DCP1A: variants seen among roughly 807,000 people sequenced by gnomAD.
DCP1A encodes mRNA-decapping enzyme 1A.
Under a neutral mutation model 58.0 loss-of-function variants are expected in DCP1A, and 20 were observed. The ratio of observed to expected loss-of-function variants is 0.34; its 90% CI spans 0.24 to 0.50. DCP1A has a LOEUF of 0.50. Ranked by LOEUF, DCP1A falls within the 20% of genes least tolerant of loss-of-function variation. The pLI, the probability that DCP1A is intolerant of heterozygous loss-of-function variation, is 0.98. For missense variants in DCP1A, 613 were observed against 712.2 expected, an observed-to-expected ratio of 0.86 and a Z score of 1.59; for synonymous variants, 285 against 275.1, an observed-to-expected ratio of 1.04 and a Z score of -0.36.
chr3:53,323,608 C>T (rs1182258173), intron 3 of DCP1A, among the ~76,000 whole-genome samples: 1 of 152,090 alleles, frequency 6.6e-6, no homozygotes, highest in Non-Finnish European at 1.5e-5. Flanking sequence ...TGGCTCATGC[C>T]TGTAATCCCA....
At chr3:53,343,766 C>A (rs2089251811) in intron 2 of DCP1A, among the ~76,000 whole-genome samples, 1 of 152,162 alleles carries the variant, frequency 6.6e-6, no homozygotes, top group Non-Finnish European at 1.5e-5. Flanking sequence ...TGCCTGCCAC[C>A]ATGCCCAGCT....
intron 8 of DCP1A, among the ~76,000 whole-genome samples, chr3:53,288,675 A>G (rs530031334): frequency 2.7e-4 from 41 of 152,310 alleles, no homozygotes; most frequent in Admixed American, 6.5e-4. Context: ...CTGGAGTGAC[A>G]AAATGTTACA....
At chr3:53,324,975 T>A (rs1464102180) in intron 3 of DCP1A, among the ~76,000 whole-genome samples, 1 of 152,220 alleles carries the variant, frequency 6.6e-6, no homozygotes, top group Admixed American at 6.5e-5. Flanking sequence ...CATTAAATGT[T>A]TCCTTTGCTT....
Position 53,285,318 on chromosome 3 carries a change from C to T in DCP1A, c.*2262G>A, listed in dbSNP as rs1282388358. 1 of 152,200 alleles carries T rather than the reference C, an allele frequency of 6.6e-6. No homozygotes were observed. Among genetic ancestry groups the T allele is most frequent in the Non-Finnish European group, 1.5e-5 (1 of 68,032 alleles). The allele number at this position is 152,200 out of a possible 1,614,324, so 9.4% of individuals were successfully genotyped here. On this transcript the variant is annotated 3_prime_UTR_variant, in exon 10 of 10. Coordinates refer to ENST00000610213, the MANE Select transcript of DCP1A (RefSeq NM_018403.7). ...TAGTAAGCCTGAACTAGGAATAAGGCAACTGAACTGTGACTTTCGGGCCAG... is the reference window on the plus strand; with the variant it reads ...TAGTAAGCCTGAACTAGGAATAAGGTAACTGAACTGTGACTTTCGGGCCAG...
At chr3:53,343,519 A>G (rs1487459709) in intron 2 of DCP1A, among the ~76,000 whole-genome samples, 1 of 152,226 alleles carries the variant, frequency 6.6e-6, no homozygotes, top group Non-Finnish European at 1.5e-5. Flanking sequence ...ACCAAATATC[A>G]TAGAAACTAA....
chr3:53,333,903 G>C (rs782435683), intron 3 of DCP1A, among the ~76,000 whole-genome samples: 1 of 152,044 alleles, frequency 6.6e-6, no homozygotes, highest in Non-Finnish European at 1.5e-5. Context: ...ATAGCTGCCT[G>C]ATAAATCTCA....
At chr3:53,313,141 T>A (rs1707699505) in intron 4 of DCP1A, among the ~76,000 whole-genome samples, 1 of 151,924 alleles carries the variant, frequency 6.6e-6, no homozygotes, top group Non-Finnish European at 1.5e-5. Flanking sequence ...AAAATAGAGG[T>A]CTTGGTGAAT....
At chr3:53,329,372 A>G (rs1260780764) in intron 3 of DCP1A, 12 of 398,472 alleles carry the variant, frequency 3.0e-5, no homozygotes. Flanking sequence ...GTATCAAGAG[A>G]TCGATGCCCG....
At chr3:53,301,539 GTTTC>G (rs1424797165) in intron 6 of DCP1A, among the ~76,000 whole-genome samples, 1 of 152,096 alleles carries the variant, frequency 6.6e-6, no homozygotes, top group Non-Finnish European at 1.5e-5. Context: ...TCCCAAGGCA[GTTTC>G]TTATTAAACT....
At chr3:53,341,453 C>CA (rs1344389572) in intron 3 of DCP1A, among the ~76,000 whole-genome samples, 6 of 151,184 alleles carry the variant, frequency 4.0e-5, no homozygotes, top group East Asian at 1.9e-4. Context: ...GACTCCGTCT[C>CA]AAAAAAAAGA....
At chr3:53,305,706 T>C (rs1341794874) in intron 5 of DCP1A, among the ~76,000 whole-genome samples, 1 of 152,220 alleles carries the variant, frequency 6.6e-6, no homozygotes, top group Non-Finnish European at 1.5e-5. Context: ...GGTCATATGA[T>C]AAATACATTT....
intron 3 of DCP1A, among the ~76,000 whole-genome samples, chr3:53,320,049 GC>G (rs1480093558): frequency 6.6e-6 from 1 of 151,712 alleles, no homozygotes; most frequent in Non-Finnish European, 1.5e-5. Flanking sequence ...AATCGCTTGG[GC>G]CCGGGAGGCA....
At chr3:53,325,060 T>C (rs1708071791) in intron 3 of DCP1A, among the ~76,000 whole-genome samples, 1 of 152,156 alleles carries the variant, frequency 6.6e-6, no homozygotes, top group Admixed American at 6.5e-5. Flanking sequence ...ATTTGAACTA[T>C]TTTGTATTGA....
chr3:53,309,060 C>T (rs569519056), intron 5 of DCP1A, among the ~76,000 whole-genome samples: 4 of 152,272 alleles, frequency 2.6e-5, no homozygotes, highest in African/African-American at 9.6e-5. Flanking sequence ...TTTCAACTAT[C>T]TTTCTTTACA....
At chr3:53,302,212 A>G (rs1463935747) in intron 6 of DCP1A, among the ~76,000 whole-genome samples, 2 of 152,236 alleles carry the variant, frequency 1.3e-5, no homozygotes, top group Non-Finnish European at 2.9e-5. Context: ...AATGTTATCA[A>G]TGGGCAAATG....
In DCP1A at chr3:53,285,298, A is replaced by G. The variant is rs1489881302; in HGVS notation, c.*2282T>C. 1.3e-5 allele frequency: 2 copies of G among 152,176 alleles called. No individual in the cohort carries two copies. Among genetic ancestry groups the G allele is most frequent in the South Asian group, 4.1e-4 (2 of 4,822 alleles). 9.4% of individuals were successfully genotyped at this position (152,176 alleles called of 1,614,324 possible). ...AGCTAGCATGAGGTTCTAGATAGTA[A>G]GCCTGAACTAGGAATAAGGCAACTG... On this transcript the variant is annotated 3_prime_UTR_variant, in exon 10 of 10. Transcript: ENST00000610213.
rs1294173969 is a variant in DCP1A at position 53,285,615 on chromosome 3, T to C, written c.*1965A>G. 2 of 152,182 alleles carry C rather than the reference T, an allele frequency of 1.3e-5. No homozygotes were observed. The highest frequency in any genetic ancestry group is 4.8e-5 in the African/African-American group (2 of 41,434). 9.4% of individuals were successfully genotyped at this position (152,182 alleles called of 1,614,324 possible). ...CTAGCATTAAAGGTGAAAATTAGTATGATCACAGACTCTCTTTAGGATATT... is the reference window on the plus strand; with the variant it reads ...CTAGCATTAAAGGTGAAAATTAGTACGATCACAGACTCTCTTTAGGATATT... On this transcript the variant is annotated 3_prime_UTR_variant, in exon 10 of 10. Transcript: ENST00000610213.
intron 1 of DCP1A, among the ~76,000 whole-genome samples, chr3:53,346,775 T>C (rs1292664656): frequency 1.3e-5 from 2 of 152,162 alleles, no homozygotes; most frequent in African/African-American, 4.8e-5. Context: ...ACAAAGGTCT[T>C]CGGGGATCCA....
Position 53,307,945 on chromosome 3 carries a change from T to C in DCP1A, c.511-3655A>G, listed in dbSNP as rs146009196. Among the ~76,000 whole-genome samples, 434 of 152,296 alleles carry C rather than the reference T, an allele frequency of 2.8e-3. 1 individual carries two copies. The highest frequency in any genetic ancestry group is 0.01 in the African/African-American group (423 of 41,578). On this transcript the variant is annotated intron_variant, in intron 5 of 9. Transcript: ENST00000610213. ...AATATCAGTTTTTTCAAAAACTTCATTCTACCAAAGGAAATCTCATAGGGA... is the reference window on the plus strand; with the variant it reads ...AATATCAGTTTTTTCAAAAACTTCACTCTACCAAAGGAAATCTCATAGGGA...
Sources: allele counts gnomAD v4.1 joint callset (sites outside exome capture counted in the v4.1 genomes callset), GRCh38; gene constraint gnomAD v4.1.1; transcripts MANE v1.5; gene names NCBI Gene and HGNC (gene_info 2026-07-23, HGNC 2026-07-21).